The following MDN1 variants were observed in gnomAD, a reference collection of about 807,000 sequenced individuals.
MDN1 encodes midasin AAA ATPase 1.
MDN1 carries 266 observed loss-of-function variants against 669.2 expected under a neutral mutation model. The observed-to-expected ratio is 0.40, with a 90% CI of 0.36 to 0.44. The LOEUF (loss-of-function observed/expected upper bound fraction) is 0.44. Among genes scored for constraint, MDN1 ranks in the 20% least tolerant of loss-of-function variants. The pLI is 1.00. For missense variants in MDN1, 5,940 were observed against 6,754.0 expected, an observed-to-expected ratio of 0.88 and a Z score of 4.22; for synonymous variants, 2,385 against 2,457.1, an observed-to-expected ratio of 0.97 and a Z score of 0.87.
In MDN1 at chr6:89,700,871, C is replaced by G. The variant is rs183574980; in HGVS notation, c.8428-15G>C. ...ACCAGCTTGTCCTGAAACAACAACA[C>G]CCACAAGAGCATACTATAGAGCACA... On this transcript the variant is annotated splice_polypyrimidine_tract_variant and intron_variant, in intron 55 of 101. Coordinates refer to ENST00000369393, the MANE Select transcript of MDN1 (RefSeq NM_014611.3). The G allele has an allele frequency of 5.6e-3, 8,951 of 1,611,696 alleles. 33 individuals are homozygous for G. The highest frequency in any genetic ancestry group is 7.0e-3 in the Non-Finnish European group (8,256 of 1,178,382).
chr6:89,751,944 TAAGG>T (rs1299593447), intron 22 of MDN1, among the ~76,000 whole-genome samples: 2 of 152,150 alleles, frequency 1.3e-5, no homozygotes, highest in African/African-American at 4.8e-5. Flanking sequence ...AGTGTTGTAG[TAAGG>T]AAGGAGGTTT....
intron 9 of MDN1, among the ~76,000 whole-genome samples, chr6:89,782,277 C>T (rs1035943596): frequency 6.6e-6 from 1 of 152,150 alleles, no homozygotes; most frequent in Non-Finnish European, 1.5e-5. Context: ...TCTGGTAAGG[C>T]CATTATGTAA....
chr6:89,655,571 C>T (rs1436996871), intron 92 of MDN1, among the ~76,000 whole-genome samples, 193 bp downstream of exon 92: 1 of 152,094 alleles, frequency 6.6e-6, no homozygotes, highest in Non-Finnish European at 1.5e-5. Context: ...AAGCCATTTC[C>T]TCTCTCCCCT....
intron 1 of MDN1, among the ~76,000 whole-genome samples, chr6:89,808,068 T>A (rs1308037801): frequency 6.6e-6 from 1 of 152,106 alleles, no homozygotes; most frequent in Admixed American, 6.6e-5. Flanking sequence ...GTGGTTCCTC[T>A]TGGCCCAGCC....
At chr6:89,656,638 G>C in intron 91 of MDN1, 62 bp downstream of exon 91, 1 of 1,084,602 alleles carries the variant, frequency 9.2e-7, no homozygotes, top group Non-Finnish European at 1.3e-6. Context: ...AAAGCACTAC[G>C]TTTGGAACAT....
chr6:89,739,557 G>A (rs1388060359), intron 32 of MDN1, among the ~76,000 whole-genome samples: 1 of 152,032 alleles, frequency 6.6e-6, no homozygotes, highest in African/African-American at 2.4e-5. Context: ...CATCATCCCT[G>A]ACCTGTTACA....
At chr6:89,806,932 T>C (rs1768063624) in intron 1 of MDN1, among the ~76,000 whole-genome samples, 1 of 151,916 alleles carries the variant, frequency 6.6e-6, no homozygotes, top group Non-Finnish European at 1.5e-5. Context: ...ATAAAATACA[T>C]AAAATATAAA....
intron 4 of MDN1, 46 bp from the exon 5 acceptor site, chr6:89,794,000 G>A: frequency 6.6e-7 from 1 of 1,509,152 alleles, no homozygotes; most frequent in Non-Finnish European, 9.1e-7. Flanking sequence ...ACTCAGAAAT[G>A]CTATCGCAAG....
At chr6:89,723,949 C>T (rs891725377) in intron 38 of MDN1, among the ~76,000 whole-genome samples, 3 of 152,094 alleles carry the variant, frequency 2.0e-5, no homozygotes, top group Admixed American at 6.6e-5. Flanking sequence ...TCAAGACCAT[C>T]CTGACCAGCA....
In MDN1 at chr6:89,645,025, G is replaced by A. The variant is rs759127682; in HGVS notation, c.16592C>T (p.Pro5531Leu). ...TTAGTAGTCACTCACCCGTGAACTG[G>A]GATTGTCCAATACAACAAAGATGAC... ...IFVIFVVLDN[P>L]SSRDSILDIK... is the part of the protein sequence containing the mutation. Residue 5531 changes from proline to leucine, a missense_variant, in exon 101 of 102, where the codon CCC (proline) becomes CTC (leucine). By Grantham distance (98) the Pro-to-Leu change is moderately conservative. Transcript: ENST00000369393. 4 of 1,594,698 alleles carry A rather than the reference G, an allele frequency of 2.5e-6. No individual in the cohort carries two copies. Among genetic ancestry groups the A allele is most frequent in the Non-Finnish European group, 3.4e-6 (4 of 1,163,684 alleles).
chr6:89,747,368 C>G lies in MDN1; in HGVS notation c.3865G>C (p.Glu1289Gln), dbSNP rs200223632. The G allele has an allele frequency of 2.5e-6, 4 of 1,614,112 alleles. No homozygotes were observed. In the South Asian group the frequency reaches 3.3e-5, roughly 13 times the overall value. The change falls in exon 27 of 102, where the codon GAG becomes CAG. Residue 1289 changes from glutamate to glutamine, a missense_variant. Around this residue, in one of 5 missense-constraint regions of MDN1, gnomAD observed 2,292 missense variants for 2,638.3 expected, o/e 0.87. Transcript: ENST00000369393. ...TGCTGTAGCCAGTCATACTCCTTCTCGGTCGGCTCAGCCAATCTGTATCTT... is the reference window on the plus strand; with the variant it reads ...TGCTGTAGCCAGTCATACTCCTTCTGGGTCGGCTCAGCCAATCTGTATCTT... ...AERYRLAEPT[E>Q]KEYDWLQHLA...
chr6:89,745,297 G>A lies in MDN1; in HGVS notation c.4154C>T (p.Pro1385Leu), dbSNP rs1254408806. The A allele has an allele frequency of 1.8e-5, 29 of 1,613,814 alleles. No homozygotes were observed. Among genetic ancestry groups the A allele is most frequent in the Non-Finnish European group, 2.5e-5 (29 of 1,179,884 alleles). Reference sequence around the variant, plus strand: ...CCCAGTGTCTCCAACCAGCAGCACAGGTTCACCAAATTCCAATGCCCTTCC... The same window carrying A: ...CCCAGTGTCTCCAACCAGCAGCACAAGTTCACCAAATTCCAATGCCCTTCC... ...LVGRALEFGEPVLLVGDTGCG... is the reference protein window; with the variant it reads ...LVGRALEFGELVLLVGDTGCG... The change falls in exon 29 of 102, where the codon CCT (proline) becomes CTT (leucine). Residue 1385 changes from proline to leucine, a missense_variant. Coordinates refer to ENST00000369393, the MANE Select transcript of MDN1 (RefSeq NM_014611.3).
At position 89,713,301 on chromosome 6, in the gene MDN1, TA is replaced by T. The variant is rs554479820; in HGVS notation, c.7070-6del. The T allele has an allele frequency of 6.8e-5, 108 of 1,594,586 alleles. No homozygotes were observed. The highest frequency in any genetic ancestry group is 6.5e-4 in the East Asian group (29 of 44,644). ...ATACAGAAGATGTTGGAGAACCTAT[TA>T]AAAAAAAATTGCCATCTATAAACAA... On this transcript the variant is annotated splice_region_variant and splice_polypyrimidine_tract_variant and intron_variant, in intron 46 of 101. Coordinates refer to ENST00000369393, the MANE Select transcript of MDN1 (RefSeq NM_014611.3).
chr6:89,655,706 G>GC, intron 92 of MDN1, 58 bp downstream of exon 92: 1 of 1,437,340 alleles, frequency 7.0e-7, no homozygotes, highest in Non-Finnish European at 9.5e-7. Context: ...AGGTCACATA[G>GC]CACAAGCTCT....
At chr6:89,817,040 C>T (rs574779226) in intron 1 of MDN1, among the ~76,000 whole-genome samples, 10 of 152,254 alleles carry the variant, frequency 6.6e-5, no homozygotes, top group Admixed American at 4.6e-4. Context: ...GAACTCTCAC[C>T]CAATTGCCAG....
At chr6:89,749,789 C>G (rs1160666432) in intron 24 of MDN1, 38 bp from the exon 25 acceptor site, 2 of 1,476,950 alleles carry the variant, frequency 1.4e-6, no homozygotes, top group Admixed American at 1.7e-5. Context: ...GTGTATAAAT[C>G]AGTACAAAGT....
chr6:89,656,735 A>G lies in MDN1; in HGVS notation c.15250T>C (p.Leu5084=). The G allele has an allele frequency of 1.3e-5, 21 of 1,613,430 alleles. No individual in the cohort carries two copies. Among genetic ancestry groups the G allele is most frequent in the East Asian group, 2.2e-5 (1 of 44,842 alleles). Residue 5084 remains leucine (L), a synonymous_variant, in exon 91 of 102, where the codon TTG becomes CTG. Coordinates refer to ENST00000369393, the MANE Select transcript of MDN1 (RefSeq NM_014611.3). ...EGHESNFIAQ[L]ASQKHTRKNT... ...TTCCTGGTGTGCTTCTGGGAGGCCA[A>G]CTGGGCAATGAAATTCGATTCATGG...
chr6:89,785,381 T>C (rs1348261115), intron 8 of MDN1, among the ~76,000 whole-genome samples: 1 of 152,214 alleles, frequency 6.6e-6, no homozygotes, highest in Non-Finnish European at 1.5e-5. Context: ...CTGCAAATAA[T>C]TCTACAAGGT....
intron 92 of MDN1, among the ~76,000 whole-genome samples, chr6:89,655,426 C>T (rs1002256420): frequency 2.6e-5 from 4 of 152,170 alleles, no homozygotes; most frequent in African/African-American, 9.7e-5. Flanking sequence ...ATGTGAACAA[C>T]TTATTTTTAA....
Sources: allele counts gnomAD v4.1 joint callset (sites outside exome capture counted in the v4.1 genomes callset), GRCh38; gene constraint gnomAD v4.1.1; regional missense constraint gnomAD v4.1.1; transcripts MANE v1.5; gene names NCBI Gene and HGNC (gene_info 2026-07-23, HGNC 2026-07-21).